GEN1: variants seen among roughly 807,000 people sequenced by gnomAD.
GEN1 encodes flap endonuclease GEN homolog 1.
A neutral mutation model predicts 67.6 loss-of-function variants in GEN1; 64 were observed. The observed-to-expected ratio is 0.95, with a 90% confidence interval of 0.77 to 1.17. GEN1 has a LOEUF of 1.17. Among genes scored for constraint, GEN1 ranks in the 50% most tolerant of loss-of-function variants. The pLI is 0.00. For missense variants in GEN1, 1,058 were observed against 1,048.3 expected, an observed-to-expected ratio of 1.01 and a Z score of -0.13; for synonymous variants, 371 against 359.4, an observed-to-expected ratio of 1.03 and a Z score of -0.37.
chr2:17,757,513 T>A (rs1671488500), intron 1 of GEN1, among the ~76,000 whole-genome samples: 1 of 152,134 alleles, frequency 6.6e-6, no homozygotes, highest in Non-Finnish European at 1.5e-5. Flanking sequence ...TACTATTCAT[T>A]TGTGTATGTG....
Position 17,772,706 on chromosome 2 carries a change from A to G in GEN1, c.875A>G (p.Tyr292Cys), listed in dbSNP as rs149884551. ...GATAAATATTGTGAGCCACATGACT[A>G]TGAATACTGCTGTCCTTGTGAGTGG... ...KSDKYCEPHD[Y>C]EYCCPCEWHR... Residue 292 changes from tyrosine (Y) to cysteine (C), a missense_variant, in exon 8 of 14, where the codon TAT becomes TGT. Physicochemically the swap from Tyr to Cys is radical, Grantham distance 194 (BLOSUM62 -2). Coordinates refer to ENST00000381254, the MANE Select transcript of GEN1 (RefSeq NM_001130009.3). The G allele has an allele frequency of 2.2e-5, 36 of 1,612,038 alleles. No individual in the cohort carries two copies. The highest frequency in any genetic ancestry group is 1.6e-4 in the South Asian group (15 of 90,992).
At chr2:17,777,933 C>T (rs1391821775) in intron 11 of GEN1, 69 bp from the exon 12 acceptor site, 2 of 828,154 alleles carry the variant, frequency 2.4e-6, no homozygotes, top group Non-Finnish European at 4.0e-6. Flanking sequence ...GGAAATTATT[C>T]AGGTTAGAAA....
rs552152015 is a variant in GEN1 at position 17,759,997 on chromosome 2, C to G, written c.54C>G (p.Pro18=). 6.2e-7 allele frequency: 1 copy of G among 1,614,034 alleles called. No homozygotes were observed. The highest frequency in any genetic ancestry group is 2.2e-5 in the East Asian group (1 of 44,882). Residue 18 remains proline (P), a synonymous_variant, in exon 2 of 14, where the codon CCC becomes CCG. Transcript: ENST00000381254. ...QILEPVKQHI[P]LRNLGGKTIA... ...TGGAGCCTGTTAAGCAACACATCCC[C>G]TTGCGTAATCTTGGTGGGAAAACCA...
rs143628158 is a variant in GEN1 at position 17,770,897 on chromosome 2, G to A, written c.711-299G>A. 4.5e-3 allele frequency among the ~76,000 whole-genome samples: 677 copies of A among 150,794 alleles called. 2 individuals carry two copies. The highest frequency in any genetic ancestry group is 0.029 in the East Asian group (152 of 5,158). On this transcript the variant is annotated intron_variant, in intron 6 of 13. Coordinates refer to ENST00000381254, the MANE Select transcript of GEN1 (RefSeq NM_001130009.3). ...TTCTTCAAAAAAAAAAGACTGATTGGATATATATATACATACATATATATA... is the reference window on the plus strand; with the variant it reads ...TTCTTCAAAAAAAAAAGACTGATTGAATATATATATACATACATATATATA...
intron 1 of GEN1, among the ~76,000 whole-genome samples, chr2:17,758,098 C>G (rs552500778): frequency 8.5e-5 from 13 of 152,198 alleles, no homozygotes; most frequent in Admixed American, 3.9e-4. Flanking sequence ...CCATAATTTA[C>G]TTAATTAGTC....
Position 17,761,513 on chromosome 2 carries a change from G to A in GEN1, c.279G>A (p.Arg93=). The change falls in exon 3 of 14, where the codon CGG becomes CGA. Residue 93 remains arginine (R), a synonymous_variant. Coordinates refer to ENST00000381254, the MANE Select transcript of GEN1 (RefSeq NM_001130009.3). ...ADVISKRNQS[R]YGSSGKSWSQ... ...TCATAAGCAAGAGGAATCAGTCTCG[G>A]TATGGGTCTTCTGGAAAATCGTGGT... 5.6e-6 allele frequency: 9 copies of A among 1,613,364 alleles called. No homozygotes were observed. Among genetic ancestry groups the A allele is most frequent in the Non-Finnish European group, 7.6e-6 (9 of 1,179,458 alleles).
At position 17,774,610 on chromosome 2, in the gene GEN1, T is replaced by C. The variant is rs898386825; in HGVS notation, c.1202+209T>C. Reference sequence around the variant, plus strand: ...ACTTCAAACACATAGTAATAATAGATTATAAAAAGAAACAAGCATAAAAGG... The same window carrying C: ...ACTTCAAACACATAGTAATAATAGACTATAAAAAGAAACAAGCATAAAAGG... On this transcript the variant is annotated intron_variant, in intron 11 of 13. Coordinates refer to ENST00000381254, the MANE Select transcript of GEN1 (RefSeq NM_001130009.3). 12 of 263,618 alleles carry C rather than the reference T, an allele frequency of 4.6e-5. No homozygotes were observed. In the Admixed American group the frequency reaches 4.8e-4, roughly 10 times the overall value. 16.3% of individuals were successfully genotyped at this position (263,618 alleles called of 1,614,324 possible).
In GEN1 at chr2:17,770,173, T is replaced by A. The variant is rs2555097; in HGVS notation, c.711-1023T>A. Among the ~76,000 whole-genome samples, 1,204 of 152,292 alleles carry A rather than the reference T, an allele frequency of 7.9e-3. 12 individuals are homozygous for A. The highest frequency in any genetic ancestry group is 0.013 in the Non-Finnish European group (858 of 68,010). ...AGGAAAAGCAAGTGAATATAACACCTGGCTAACTCCAAACCATTCTTATTG... is the reference window on the plus strand; with the variant it reads ...AGGAAAAGCAAGTGAATATAACACCAGGCTAACTCCAAACCATTCTTATTG... On this transcript the variant is annotated intron_variant, in intron 6 of 13. Coordinates refer to ENST00000381254, the MANE Select transcript of GEN1 (RefSeq NM_001130009.3).
chr2:17,779,202 C>T (rs929556874), intron 12 of GEN1, among the ~76,000 whole-genome samples: 1 of 152,102 alleles, frequency 6.6e-6, no homozygotes, highest in African/African-American at 2.4e-5. Context: ...GGATTACAGG[C>T]GTGAGCCACT....
chr2:17,776,763 A>G (rs1049043892), intron 11 of GEN1, among the ~76,000 whole-genome samples: 7 of 152,328 alleles, frequency 4.6e-5, no homozygotes, highest in Admixed American at 4.6e-4. Flanking sequence ...TCATTAAAAC[A>G]TTATTCATAG....
intron 6 of GEN1, among the ~76,000 whole-genome samples, chr2:17,770,428 A>T (rs181543677): frequency 6.6e-6 from 1 of 152,258 alleles, no homozygotes; most frequent in East Asian, 1.9e-4. Context: ...GTAACTCTTA[A>T]GTACCAGATA....
At chr2:17,773,508 G>T (rs962460653) in intron 10 of GEN1, among the ~76,000 whole-genome samples, 9 of 152,008 alleles carry the variant, frequency 5.9e-5, no homozygotes, top group African/African-American at 2.2e-4. Flanking sequence ...TGTTTTAGAA[G>T]ATGCCTTAAT....
chr2:17,766,925 G>C (rs1671963249), intron 5 of GEN1, among the ~76,000 whole-genome samples: 1 of 152,194 alleles, frequency 6.6e-6, no homozygotes. Context: ...ACCACAGCTT[G>C]AATCTCAGTA....
intron 10 of GEN1, among the ~76,000 whole-genome samples, chr2:17,773,762 A>G (rs1208758271): frequency 6.6e-6 from 1 of 152,100 alleles, no homozygotes; most frequent in Non-Finnish European, 1.5e-5. Context: ...TGAGGATTAA[A>G]TGAGATTATT....
Position 17,779,013 on chromosome 2 carries a change from T to C in GEN1, c.1264+950T>C, listed in dbSNP as rs527679055. 2.6e-5 allele frequency among the ~76,000 whole-genome samples: 4 copies of C among 152,268 alleles called. No homozygotes were observed. The East Asian group carries it at 7.7e-4, about 29-fold the overall frequency. The stretch of plus-strand genomic sequence containing the variant: ...ACCTTGGCTTACAGCAACCTCTGCC[T>C]CCTGGTTCAAGTGATTCTCCTGCCT... On this transcript the variant is annotated intron_variant, in intron 12 of 13. Transcript: ENST00000381254.
rs139372712 is a variant in GEN1, at chr2:17,759,988, A to T, written c.45A>T (p.Gln15His). ...GGCAAATTTTGGAGCCTGTTAAGCA[A>T]CACATCCCCTTGCGTAATCTTGGTG... is the stretch of plus-strand genomic sequence containing the variant. ...DLWQILEPVK[Q>H]HIPLRNLGGK... The change falls in exon 2 of 14, where the codon CAA (glutamine) becomes CAT (histidine). Residue 15 changes from glutamine (Q) to histidine (H), a missense_variant. Coordinates refer to ENST00000381254, the MANE Select transcript of GEN1 (RefSeq NM_001130009.3). 1.2e-6 allele frequency: 2 copies of T among 1,613,972 alleles called. No homozygotes were observed. Among genetic ancestry groups the T allele is most frequent in the African/African-American group, 2.7e-5 (2 of 74,902 alleles).
chr2:17,776,446 A>G (rs1367436746), intron 11 of GEN1, among the ~76,000 whole-genome samples: 1 of 152,170 alleles, frequency 6.6e-6, no homozygotes, highest in Admixed American at 6.5e-5. Flanking sequence ...CTACATAGAC[A>G]GGCTGCAGTA....
rs1812152 is a variant in GEN1 at position 17,761,508 on chromosome 2, T to C, written c.274T>C (p.Ser92Pro). The change falls in exon 3 of 14, where the codon TCT (serine) becomes CCT (proline). Residue 92 changes from serine (S) to proline (P), a missense_variant. By Grantham distance (74) the Ser-to-Pro change is moderately conservative. Transcript: ENST00000381254. ...TGATGTCATAAGCAAGAGGAATCAG[T>C]CTCGGTATGGGTCTTCTGGAAAATC... is the stretch of plus-strand genomic sequence containing the variant. ...KADVISKRNQ[S>P]RYGSSGKSWS... 16 of 1,613,102 alleles carry C rather than the reference T, an allele frequency of 9.9e-6. No homozygotes were observed. The African/African-American group carries it at 2.1e-4, about 22-fold the overall frequency.
At chr2:17,769,812 TTAA>T (rs59258547) in intron 6 of GEN1, among the ~76,000 whole-genome samples, 5,577 of 152,188 alleles carry the variant, frequency 0.037, 299 homozygotes, top group African/African-American at 0.11. Flanking sequence ...AAAATTAATA[TTAA>T]TGATGATAGG....
Sources: gnomAD v4.1 joint callset for allele counts (sites outside exome capture counted in the v4.1 genomes callset) on GRCh38, gnomAD v4.1.1 for gene constraint, MANE v1.5 for transcripts, NCBI Gene and HGNC (gene_info 2026-07-23, HGNC 2026-07-21) for gene names.